RABGAP1L: variants seen among roughly 807,000 people sequenced by gnomAD.
RABGAP1L encodes RAB GTPase activating protein 1 like, also known as rab GTPase-activating protein 1-like.
Under a neutral mutation model 137.7 loss-of-function variants are expected in RABGAP1L, and 63 were observed. That is an observed-to-expected ratio of 0.46 (90% confidence interval 0.37 to 0.56). RABGAP1L has a LOEUF of 0.56. RABGAP1L is among the 20% of genes least tolerant of loss of function. RABGAP1L has a pLI of 0.00. For synonymous variants in RABGAP1L, 431 were observed against 433.7 expected (o/e 0.99, Z 0.08); for missense variants, 1,095 against 1,244.0 (o/e 0.88, Z 1.80).
chr1:174,278,744 A>G lies in RABGAP1L; in HGVS notation c.1288A>G (p.Thr430Ala). 1 of 1,583,976 alleles carries G rather than the reference A, an allele frequency of 6.3e-7. No individual in the cohort carries two copies. Among genetic ancestry groups the G allele is most frequent in the Admixed American group, 1.9e-5 (1 of 51,958 alleles). The change falls in exon 10 of 26, where the codon ACT becomes GCT. Residue 430 changes from threonine (T) to alanine (A), a missense_variant. Physicochemically the swap from Thr to Ala is moderately conservative, Grantham distance 58. Transcript: ENST00000681986. ...GCGATTTTGGTATTTCAGCAGAAAG[A>G]CTTTCACAGAGACTTTCTTCATGAG... is the stretch of plus-strand genomic sequence containing the variant. ...NERFWYFSRK[T>A]FTETFFMRLK...
At chr1:174,934,960 TAAAC>T (rs1482578201) in intron 19 of RABGAP1L, 5 of 152,214 alleles carry the variant, frequency 3.3e-5, no homozygotes, top group African/African-American at 1.2e-4. Context: ...CATGAAAAGA[TAAAC>T]AAAATACTTT....
At chr1:174,968,097 A>G (rs1006344102) in intron 20 of RABGAP1L, among the ~76,000 whole-genome samples, 2 of 152,226 alleles carry the variant, frequency 1.3e-5, no homozygotes, top group Non-Finnish European at 2.9e-5. Flanking sequence ...TTTAAAAAAC[A>G]GGAAAAAGAA....
At chr1:174,837,297 A>G (rs183382922) in intron 19 of RABGAP1L, among the ~76,000 whole-genome samples, 32 of 152,306 alleles carry the variant, frequency 2.1e-4, no homozygotes, top group Non-Finnish European at 3.2e-4. Context: ...TAATATGTCT[A>G]TAAGATATAG....
intron 19 of RABGAP1L, among the ~76,000 whole-genome samples, chr1:174,885,481 C>G (rs1654923661): frequency 6.6e-6 from 1 of 152,178 alleles, no homozygotes; most frequent in Non-Finnish European, 1.5e-5. Context: ...CCTTAGCCTT[C>G]CAAGTAGCTA....
rs117806834 is a variant in RABGAP1L, at chr1:174,810,367, C to G, written c.2212-1465C>G. Among the ~76,000 whole-genome samples the G allele has an allele frequency of 7.9e-5, 12 of 152,208 alleles. No individual in the cohort carries two copies. In the East Asian group the frequency reaches 2.3e-3, roughly 29 times the overall value. On this transcript the variant is annotated intron_variant, in intron 18 of 25. Coordinates refer to ENST00000681986, the MANE Select transcript of RABGAP1L (RefSeq NM_001366446.1). ...TGCTCAGAGAAGGTCTCACTCAGAT[C>G]TTATATTGAGCTAAAATCTAGATTA...
Position 174,318,779 on chromosome 1 carries a change from A to C in RABGAP1L, c.1465+13652A>C, listed in dbSNP as rs1302757289. The stretch of plus-strand genomic sequence containing the variant: ...GCTATACTTTTGCATTGTGATTACC[A>C]TGAGGCTTATGAAAAACATCTTATA... On this transcript the variant is annotated intron_variant, in intron 11 of 25. Transcript: ENST00000681986. Among the ~76,000 whole-genome samples the C allele has an allele frequency of 3.3e-5, 5 of 151,562 alleles. No individual in the cohort carries two copies. In the East Asian group the frequency reaches 9.7e-4, roughly 29 times the overall value.
intron 11 of RABGAP1L, among the ~76,000 whole-genome samples, chr1:174,345,631 A>G (rs1682362940): frequency 6.6e-6 from 1 of 152,050 alleles, no homozygotes; most frequent in African/African-American, 2.4e-5. Flanking sequence ...TATCAGTTTG[A>G]ATAGTTTTTT....
At chr1:174,576,796 A>G (rs1476189915) in intron 13 of RABGAP1L, among the ~76,000 whole-genome samples, 1 of 152,178 alleles carries the variant, frequency 6.6e-6, no homozygotes, top group Non-Finnish European at 1.5e-5. Flanking sequence ...CTAACCACTG[A>G]TGTTGAAAAT....
chr1:174,469,099 G>A (rs1657619441), intron 13 of RABGAP1L, among the ~76,000 whole-genome samples: 4 of 152,074 alleles, frequency 2.6e-5, no homozygotes, highest in Admixed American at 2.6e-4. Context: ...TTATGTTCAT[G>A]TCTTTTTATC....
chr1:174,668,728 C>T lies in RABGAP1L; in HGVS notation c.1825-14794C>T, dbSNP rs181815217. Reference sequence around the variant, plus strand: ...TTTTACTAATTTACGTTCCCACCAACAACGTGCAAGGGTTTCTTTTTCTCC... The same window carrying T: ...TTTTACTAATTTACGTTCCCACCAATAACGTGCAAGGGTTTCTTTTTCTCC... On this transcript the variant is annotated intron_variant, in intron 14 of 25. Transcript: ENST00000681986. Among the ~76,000 whole-genome samples, 7 of 152,272 alleles carry T rather than the reference C, an allele frequency of 4.6e-5. No homozygotes were observed. The East Asian group carries it at 9.6e-4, about 21-fold the overall frequency.
chr1:174,840,827 T>G (rs200506440), intron 19 of RABGAP1L, among the ~76,000 whole-genome samples: 3 of 126,124 alleles, frequency 2.4e-5, no homozygotes, highest in East Asian at 2.2e-4. Flanking sequence ...AAAAAAAAAA[T>G]AAAAAAAAAA....
At chr1:174,598,382 G>C (rs1157559562) in intron 13 of RABGAP1L, among the ~76,000 whole-genome samples, 2 of 149,952 alleles carry the variant, frequency 1.3e-5, no homozygotes, top group Non-Finnish European at 3.0e-5. Flanking sequence ...CTGAGGAGAA[G>C]CATATGTATT....
At chr1:174,465,250 A>T (rs1657160741) in intron 13 of RABGAP1L, among the ~76,000 whole-genome samples, 1 of 152,122 alleles carries the variant, frequency 6.6e-6, no homozygotes, top group South Asian at 2.1e-4. Flanking sequence ...CCCAGGCTGG[A>T]GTGCAATGGT....
chr1:174,818,300 C>T (rs1397339205), intron 19 of RABGAP1L, among the ~76,000 whole-genome samples: 1 of 152,158 alleles, frequency 6.6e-6, no homozygotes, highest in Non-Finnish European at 1.5e-5. Context: ...ACTGTGAACA[C>T]TAAGGGAAAA....
At chr1:174,300,192 TC>T (rs1460269561) in intron 10 of RABGAP1L, among the ~76,000 whole-genome samples, 1 of 152,204 alleles carries the variant, frequency 6.6e-6, no homozygotes, top group Non-Finnish European at 1.5e-5. Context: ...TGTTTACCTC[TC>T]TTTTTCTGGA....
At chr1:174,358,460 C>T (rs891212317) in intron 11 of RABGAP1L, among the ~76,000 whole-genome samples, 4 of 152,040 alleles carry the variant, frequency 2.6e-5, no homozygotes, top group East Asian at 3.8e-4. Flanking sequence ...AAATGGCTGG[C>T]GGGTGGTGTA....
rs1349225848 is a variant in RABGAP1L at position 174,550,999 on chromosome 1, C to CACATATATAT, written c.1711-86375_1711-86374insCATATATATA. On this transcript the variant is annotated intron_variant, in intron 13 of 25. Transcript: ENST00000681986. ...GTATATATACATATATATATATACA[C>CACATATATAT]ATATATATATATATATATATATACA... Among the ~76,000 whole-genome samples the CACATATATAT allele has an allele frequency of 4.6e-5, 4 of 86,348 alleles. 1 individual carries two copies. Among genetic ancestry groups the CACATATATAT allele is most frequent in the African/African-American group, 2.5e-4 (3 of 12,060 alleles). 56.6% of individuals were successfully genotyped at this position (86,348 alleles called of 152,430 possible). A position where few individuals can be genotyped will look rare whatever the true frequency, so the allele number is the denominator to read the frequency against.
intron 19 of RABGAP1L, among the ~76,000 whole-genome samples, chr1:174,955,005 G>A (rs2149335981): frequency 6.6e-6 from 1 of 152,264 alleles, no homozygotes; most frequent in Non-Finnish European, 1.5e-5. Flanking sequence ...GAAAAATAAT[G>A]TTGTCGTTTT....
At chr1:174,217,504 G>C (rs1669428907) in intron 1 of RABGAP1L, among the ~76,000 whole-genome samples, 1 of 152,196 alleles carries the variant, frequency 6.6e-6, no homozygotes, top group South Asian at 2.1e-4. Context: ...GCAGCAACCT[G>C]AGAAGGACTT....
Sources: allele counts gnomAD v4.1 joint callset (sites outside exome capture counted in the v4.1 genomes callset), GRCh38; gene constraint gnomAD v4.1.1; transcripts MANE v1.5; gene names NCBI Gene and HGNC (gene_info 2026-07-23, HGNC 2026-07-21).